Variants in LSAMP observed in about 807,000 individuals in gnomAD.
LSAMP encodes the protein limbic system-associated membrane protein.
Under a neutral mutation model 38.6 loss-of-function variants are expected in LSAMP, and 7 were observed. The ratio of observed to expected loss-of-function variants is 0.18; its 90% CI spans 0.10 to 0.34. The LOEUF is 0.34. Among genes scored for constraint, LSAMP ranks in the 10% least tolerant of loss-of-function variants. LSAMP has a pLI of 1.00. For synonymous variants in LSAMP, 154 were observed against 166.8 expected, an observed-to-expected ratio of 0.92 and a Z score of 0.59; for missense variants, 313 against 420.0, an observed-to-expected ratio of 0.75 and a Z score of 2.23.
chr3:116,285,147 G>A (rs752992744), intron 1 of LSAMP, among the ~76,000 whole-genome samples: 3 of 152,090 alleles, frequency 2.0e-5, no homozygotes, highest in Admixed American at 6.6e-5. Flanking sequence ...CTCCAAATTG[G>A]CTGAGTGGTT....
At chr3:116,075,715 A>G (rs1295233313) in intron 2 of LSAMP, among the ~76,000 whole-genome samples, 1 of 150,878 alleles carries the variant, frequency 6.6e-6, no homozygotes, top group East Asian at 2.0e-4. Flanking sequence ...TAATTTTTGT[A>G]TTTTTAGTAG....
intron 3 of LSAMP, among the ~76,000 whole-genome samples, chr3:115,914,477 G>C (rs984000645): frequency 1.3e-5 from 2 of 152,142 alleles, no homozygotes; most frequent in African/African-American, 4.8e-5. Flanking sequence ...TACACTGACT[G>C]TGCTTTCCAC....
At chr3:116,289,879 A>G (rs1479208002) in intron 1 of LSAMP, among the ~76,000 whole-genome samples, 1 of 152,366 alleles carries the variant, frequency 6.6e-6, no homozygotes, top group East Asian at 1.9e-4. Context: ...AAAGACATGT[A>G]TAGCCTGAAG....
chr3:116,162,682 C>T (rs893407116), intron 1 of LSAMP, among the ~76,000 whole-genome samples: 12 of 148,396 alleles, frequency 8.1e-5, no homozygotes, highest in Non-Finnish European at 1.5e-4. Context: ...CTGGTTCTCT[C>T]TCTCTCTCTC....
chr3:115,926,923 A>G (rs550316167), intron 3 of LSAMP, among the ~76,000 whole-genome samples: 7 of 152,164 alleles, frequency 4.6e-5, no homozygotes, highest in African/African-American at 1.4e-4. Context: ...TCTCCTTGCC[A>G]CTACAATATA....
At chr3:116,012,675 CG>C (rs1940364434) in intron 3 of LSAMP, among the ~76,000 whole-genome samples, 1 of 151,944 alleles carries the variant, frequency 6.6e-6, no homozygotes, top group African/African-American at 2.4e-5. Context: ...TAAAAATCCC[CG>C]TGGTTATTGT....
chr3:116,278,352 A>G (rs1215600001), intron 1 of LSAMP, among the ~76,000 whole-genome samples: 1 of 152,068 alleles, frequency 6.6e-6, no homozygotes, highest in East Asian at 1.9e-4. Flanking sequence ...ATTTACTACT[A>G]AGGACATTTA....
chr3:116,277,749 C>CTGTT (rs1460393857), intron 1 of LSAMP, among the ~76,000 whole-genome samples: 1 of 152,126 alleles, frequency 6.6e-6, no homozygotes, highest in African/African-American at 2.4e-5. Flanking sequence ...CATTTCAGAG[C>CTGTT]TGTTTAACGG....
intron 1 of LSAMP, among the ~76,000 whole-genome samples, chr3:116,159,867 T>C (rs571483817): frequency 1.3e-5 from 2 of 152,272 alleles, no homozygotes; most frequent in East Asian, 1.9e-4. Context: ...AAATGTGGTA[T>C]GTATACATCG....
At chr3:115,998,959 C>T (rs932541498) in intron 3 of LSAMP, among the ~76,000 whole-genome samples, 7 of 152,072 alleles carry the variant, frequency 4.6e-5, no homozygotes, top group Non-Finnish European at 8.8e-5. Flanking sequence ...GATTGAAATT[C>T]CTCCAGGGAG....
At chr3:116,129,999 T>G (rs983519990) in intron 1 of LSAMP, among the ~76,000 whole-genome samples, 2 of 152,238 alleles carry the variant, frequency 1.3e-5, no homozygotes, top group African/African-American at 2.4e-5. Flanking sequence ...AGCCCAATAT[T>G]CTTTTATTGC....
At chr3:116,045,821 T>C (rs1941277688) in intron 2 of LSAMP, among the ~76,000 whole-genome samples, 2 of 152,244 alleles carry the variant, frequency 1.3e-5, no homozygotes, top group East Asian at 3.8e-4. Flanking sequence ...TTATGCCTAC[T>C]TTACACATAA....
chr3:116,443,307 C>CA (rs1220744295), intron 1 of LSAMP, among the ~76,000 whole-genome samples: 2 of 152,178 alleles, frequency 1.3e-5, no homozygotes, highest in African/African-American at 2.4e-5. Context: ...ATAAATCACA[C>CA]ATGCAGGTTT....
chr3:116,235,011 T>C (rs1343465028), intron 1 of LSAMP, among the ~76,000 whole-genome samples: 1 of 140,202 alleles, frequency 7.1e-6, no homozygotes, highest in Non-Finnish European at 1.6e-5. Context: ...ACTTTTTTTA[T>C]GTAGCATTAT....
At chr3:116,235,437 G>A (rs182850157) in intron 1 of LSAMP, among the ~76,000 whole-genome samples, 10 of 152,062 alleles carry the variant, frequency 6.6e-5, no homozygotes, top group South Asian at 2.1e-4. Flanking sequence ...TAAGAATTAC[G>A]CATCCTCATG....
chr3:116,219,807 T>G (rs1329018469), intron 1 of LSAMP, among the ~76,000 whole-genome samples: 2 of 152,208 alleles, frequency 1.3e-5, no homozygotes, highest in African/African-American at 4.8e-5. Flanking sequence ...GCTAGGTATC[T>G]GAAGAGACAT....
chr3:115,813,099 C>T (rs951576172), intron 6 of LSAMP, among the ~76,000 whole-genome samples: 15 of 151,922 alleles, frequency 9.9e-5, no homozygotes, highest in Admixed American at 3.9e-4. Flanking sequence ...GTTATTTTCA[C>T]GTGCTATTCT....
chr3:116,180,902 G>A (rs1710470528), intron 1 of LSAMP, among the ~76,000 whole-genome samples: 1 of 152,044 alleles, frequency 6.6e-6, no homozygotes, highest in Non-Finnish European at 1.5e-5. Flanking sequence ...ACATGGGTTA[G>A]GTGATTCCAT....
rs563843047 is a variant in LSAMP, at chr3:115,994,638, T to C, written c.514+24877A>G. Among the ~76,000 whole-genome samples, 11 of 152,184 alleles carry C rather than the reference T, an allele frequency of 7.2e-5. 1 individual carries two copies. The highest frequency in any genetic ancestry group is 2.4e-4 in the African/African-American group (10 of 41,548). On this transcript the variant is annotated intron_variant, in intron 3 of 6. Transcript: ENST00000490035. ...CCCCAAATACTGGTAGTGGAATGTC[T>C]TGGGATTTCAATAGATAAAAGAAAC...
Sources: allele counts gnomAD v4.1 joint callset (sites outside exome capture counted in the v4.1 genomes callset), GRCh38; gene constraint gnomAD v4.1.1; transcripts MANE v1.5; gene names NCBI Gene and HGNC (gene_info 2026-07-23, HGNC 2026-07-21).